LUZP2: variants seen among roughly 807,000 people sequenced by gnomAD.
The protein encoded by LUZP2 is leucine zipper protein 2.
LUZP2 carries 52 observed loss-of-function variants against 51.6 expected under a neutral mutation model. That is an observed-to-expected ratio of 1.01 (90% CI 0.81 to 1.27). The LOEUF is 1.27. LUZP2 is among the 50% of genes most tolerant of loss of function. The probability of loss-of-function intolerance (pLI) is 0.00; values close to 1 mark genes in which losing one functional copy is unlikely to be tolerated. For missense variants in LUZP2, 436 were observed against 395.4 expected, an observed-to-expected ratio of 1.10 and a Z score of -0.87; for synonymous variants, 154 against 137.3, an observed-to-expected ratio of 1.12 and a Z score of -0.85.
chr11:24,784,061 C>T (rs972683755), intron 5 of LUZP2, among the ~76,000 whole-genome samples: 2 of 151,854 alleles, frequency 1.3e-5, no homozygotes, highest in Non-Finnish European at 2.9e-5. Flanking sequence ...CCCCTAGACA[C>T]GGAGTTTGGA....
At chr11:24,925,559 T>C (rs1854201231) in intron 7 of LUZP2, among the ~76,000 whole-genome samples, 1 of 152,074 alleles carries the variant, frequency 6.6e-6, no homozygotes, top group African/African-American at 2.4e-5. Context: ...TTTTTTTCAT[T>C]ATTCACTAGC....
At chr11:24,995,840 G>T (rs190176205) in intron 9 of LUZP2, among the ~76,000 whole-genome samples, 1 of 151,832 alleles carries the variant, frequency 6.6e-6, no homozygotes, top group African/African-American at 2.4e-5. Context: ...CTTGTTTCCA[G>T]AATTTTCTAG....
At chr11:24,853,014 G>A (rs911658361) in intron 5 of LUZP2, among the ~76,000 whole-genome samples, 2 of 152,092 alleles carry the variant, frequency 1.3e-5, no homozygotes, top group African/African-American at 4.8e-5. Flanking sequence ...GATTGGTCTT[G>A]ACTCTTTATC....
intron 5 of LUZP2, among the ~76,000 whole-genome samples, chr11:24,790,986 C>T (rs1017629401): frequency 3.9e-5 from 6 of 152,118 alleles, no homozygotes; most frequent in African/African-American, 1.4e-4. Flanking sequence ...TGTGTATATT[C>T]TGCTCAGACC....
In LUZP2 at chr11:24,808,168, C is replaced by T. The variant is rs192195974; in HGVS notation, c.396+44860C>T. Among the ~76,000 whole-genome samples, 380 of 152,264 alleles carry T rather than the reference C, an allele frequency of 2.5e-3. 10 individuals carry two copies. The highest frequency in any genetic ancestry group is 0.022 in the Admixed American group (329 of 15,288). ...CTTCCAATTTTAAATTGCGGAGTTA[C>T]TTGTTAATTTAAATAATTAATGTAA... On this transcript the variant is annotated intron_variant, in intron 5 of 11. Coordinates refer to ENST00000336930, the MANE Select transcript of LUZP2 (RefSeq NM_001009909.4).
At chr11:24,992,296 A>G (rs1856372709) in intron 9 of LUZP2, among the ~76,000 whole-genome samples, 2 of 152,096 alleles carry the variant, frequency 1.3e-5, no homozygotes, top group Non-Finnish European at 2.9e-5. Context: ...TCCAGTAAAC[A>G]GTAGGCAAAC....
chr11:24,827,774 C>T (rs972427077), intron 5 of LUZP2, among the ~76,000 whole-genome samples: 7 of 152,090 alleles, frequency 4.6e-5, no homozygotes, highest in African/African-American at 1.7e-4. Context: ...TCCAGTGGTT[C>T]TTAACCATAT....
At chr11:24,653,911 T>G (rs909918163) in intron 1 of LUZP2, among the ~76,000 whole-genome samples, 2 of 152,112 alleles carry the variant, frequency 1.3e-5, no homozygotes, top group Admixed American at 6.5e-5. Context: ...AAAATTTATT[T>G]CAAAAGAGCA....
intron 1 of LUZP2, among the ~76,000 whole-genome samples, chr11:24,702,579 C>T (rs571477976): frequency 1.3e-5 from 2 of 152,026 alleles, no homozygotes; most frequent in Non-Finnish European, 2.9e-5. Flanking sequence ...AAGGGGGAGG[C>T]CCCAGACTCT....
chr11:24,565,452 A>T (rs1295421436), intron 1 of LUZP2, among the ~76,000 whole-genome samples: 4 of 152,176 alleles, frequency 2.6e-5, no homozygotes, highest in African/African-American at 9.6e-5. Context: ...AAAGCAGTCT[A>T]ATCTGAGAAA....
intron 4 of LUZP2, among the ~76,000 whole-genome samples, chr11:24,753,348 A>G (rs1859661916): frequency 4.6e-5 from 7 of 152,174 alleles, no homozygotes; most frequent in Admixed American, 4.6e-4. Flanking sequence ...AGTAATTTCT[A>G]GTGTTCATCC....
intron 9 of LUZP2, among the ~76,000 whole-genome samples, chr11:25,015,011 C>T (rs1301162036): frequency 6.6e-6 from 1 of 152,084 alleles, no homozygotes; most frequent in Non-Finnish European, 1.5e-5. Flanking sequence ...ATAGGGAATC[C>T]TTTCCCCATT....
At chr11:24,789,485 T>C (rs1374038099) in intron 5 of LUZP2, among the ~76,000 whole-genome samples, 4 of 152,242 alleles carry the variant, frequency 2.6e-5, no homozygotes, top group African/African-American at 9.6e-5. Context: ...GTTGGTATTA[T>C]TTTGATTGCT....
intron 1 of LUZP2, among the ~76,000 whole-genome samples, chr11:24,512,340 T>C (rs986624977): frequency 2.2e-4 from 34 of 151,918 alleles, no homozygotes; most frequent in African/African-American, 8.2e-4. Context: ...AAACCTTCAT[T>C]TTTTTATAAA....
At chr11:24,498,618 T>C (rs908975634) in intron 1 of LUZP2, among the ~76,000 whole-genome samples, 11 of 152,240 alleles carry the variant, frequency 7.2e-5, no homozygotes, top group Non-Finnish European at 1.5e-5. Context: ...GCAGATGGTT[T>C]TAAAGAAAAC....
intron 1 of LUZP2, among the ~76,000 whole-genome samples, chr11:24,603,254 C>T (rs1460394697): frequency 2.0e-5 from 3 of 151,658 alleles, no homozygotes; most frequent in Non-Finnish European, 4.4e-5. Context: ...TCCATCCTGC[C>T]GTTGCATCTG....
At chr11:24,993,625 T>G (rs1045777068) in intron 9 of LUZP2, among the ~76,000 whole-genome samples, 1 of 152,174 alleles carries the variant, frequency 6.6e-6, no homozygotes, top group Non-Finnish European at 1.5e-5. Context: ...TGCCTTTTAA[T>G]GTTTATTGTC....
At chr11:24,820,775 G>GTA (rs962698474) in intron 5 of LUZP2, among the ~76,000 whole-genome samples, 1 of 152,098 alleles carries the variant, frequency 6.6e-6, no homozygotes, top group African/African-American at 2.4e-5. Flanking sequence ...CATAGGATGT[G>GTA]TATTAAGATG....
intron 5 of LUZP2, among the ~76,000 whole-genome samples, chr11:24,804,073 C>T (rs1315432039): frequency 1.3e-5 from 2 of 151,272 alleles, no homozygotes; most frequent in African/African-American, 2.4e-5. Flanking sequence ...ATGGGTTTTC[C>T]ACTAGCAATT....
Sources: allele counts gnomAD v4.1 joint callset (sites outside exome capture counted in the v4.1 genomes callset), GRCh38; gene constraint gnomAD v4.1.1; transcripts MANE v1.5; gene names NCBI Gene and HGNC (gene_info 2026-07-23, HGNC 2026-07-21).